The following EXTL3 variants were observed in gnomAD, a reference collection of about 807,000 sequenced individuals.
EXTL3 encodes the protein exostosin like glycosyltransferase 3, also known as exostosin-like 3.
A neutral mutation model predicts 69.3 loss-of-function variants in EXTL3; 27 were observed. That is an observed-to-expected ratio of 0.39 (90% CI 0.29 to 0.54). The LOEUF is 0.54. Among genes scored for constraint, EXTL3 ranks in the 20% least tolerant of loss-of-function variants. The pLI is 0.69. For missense variants in EXTL3, 1,003 were observed against 1,231.8 expected (o/e 0.81, Z 2.78); for synonymous variants, 511 against 499.4 (o/e 1.02, Z -0.31).
intron 1 of EXTL3, among the ~76,000 whole-genome samples, chr8:28,665,201 A>G (rs960635049): frequency 5.3e-5 from 8 of 149,794 alleles, no homozygotes; most frequent in African/African-American, 2.0e-4. Context: ...CCTCCCGAGT[A>G]GCTGAGATTA....
intron 1 of EXTL3, among the ~76,000 whole-genome samples, chr8:28,636,291 G>A (rs964647052): frequency 1.4e-5 from 2 of 146,160 alleles, no homozygotes; most frequent in Non-Finnish European, 3.0e-5. Flanking sequence ...GAGATCGCGC[G>A]ACTGCACTCC....
chr8:28,614,883 T>C (rs1267508334), intron 2 of EXTL3, among the ~76,000 whole-genome samples: 1 of 152,206 alleles, frequency 6.6e-6, no homozygotes, highest in Non-Finnish European at 1.5e-5. Context: ...ATGTGTGCCA[T>C]GGTGGTTTGC....
At chr8:28,657,452 CCTG>C (rs1807029563) in intron 1 of EXTL3, among the ~76,000 whole-genome samples, 1 of 152,212 alleles carries the variant, frequency 6.6e-6, no homozygotes, top group Non-Finnish European at 1.5e-5. Flanking sequence ...GCCCCACTGA[CCTG>C]CTGTCCAATG....
intron 1 of EXTL3, among the ~76,000 whole-genome samples, chr8:28,646,234 C>T (rs1023885536): frequency 2.0e-5 from 3 of 152,182 alleles, no homozygotes; most frequent in Non-Finnish European, 2.9e-5. Flanking sequence ...AGTTCTTTTT[C>T]CTCAGAAGTA....
chr8:28,702,331 A>G (rs1252468077), intron 1 of EXTL3, among the ~76,000 whole-genome samples: 11 of 152,124 alleles, frequency 7.2e-5, no homozygotes, highest in African/African-American at 2.7e-4. Context: ...CTCGCGCTGC[A>G]CGGGCTGGAC....
At chr8:28,651,216 A>G (rs1806913681) in intron 1 of EXTL3, among the ~76,000 whole-genome samples, 1 of 152,158 alleles carries the variant, frequency 6.6e-6, no homozygotes, top group South Asian at 2.1e-4. Flanking sequence ...TGTACCTTTA[A>G]AAACAGAATA....
Position 28,683,450 on chromosome 8 carries a change from C to T in EXTL3, c.-52-30007C>T, listed in dbSNP as rs180978991. Reference sequence around the variant, plus strand: ...GATTTTTTGGGGGGATATCTGTCACCTCAAACATTTATCCTTTATGTTTCA... The same window carrying T: ...GATTTTTTGGGGGGATATCTGTCACTTCAAACATTTATCCTTTATGTTTCA... On this transcript the variant is annotated intron_variant, in intron 1 of 6. Transcript: ENST00000523149. 3.6e-4 allele frequency among the ~76,000 whole-genome samples: 55 copies of T among 152,168 alleles called. No homozygotes were observed. In the East Asian group the frequency reaches 0.01, roughly 29 times the overall value.
At position 28,716,982 on chromosome 8, in the gene EXTL3, A is replaced by G. The variant is rs1402580479; in HGVS notation, c.923A>G (p.Tyr308Cys). 6.2e-7 allele frequency: 1 copy of G among 1,614,136 alleles called. No homozygotes were observed. Among genetic ancestry groups the G allele is most frequent in the African/African-American group, 1.3e-5 (1 of 74,948 alleles). ...VAQSTFYTVQ[Y>C]RPGFDLVVSP... ...CAGTCCACCTTCTACACTGTCCAGT[A>G]CAGACCTGGCTTTGACTTGGTCGTA... The change falls in exon 3 of 7, where the codon TAC becomes TGC. Residue 308 changes from tyrosine to cysteine, a missense_variant. Tyr to Cys is a radical substitution (Grantham distance 194, BLOSUM62 -2). Transcript: ENST00000220562. This position sits in a 1 kb window ranked among gnomAD's most constrained non-coding sequence, Gnocchi z 7.1.
intron 1 of EXTL3, among the ~76,000 whole-genome samples, chr8:28,704,348 A>G (rs995697132): frequency 6.6e-6 from 1 of 152,248 alleles, no homozygotes; most frequent in African/African-American, 2.4e-5. Context: ...TACTATACGC[A>G]GCCATACAAA....
intron 4 of EXTL3, among the ~76,000 whole-genome samples, chr8:28,733,667 G>C (rs1801586709): frequency 6.6e-6 from 1 of 151,302 alleles, no homozygotes; most frequent in East Asian, 1.9e-4. Flanking sequence ...ACAGGCATGA[G>C]CCACAGCACC....
chr8:28,708,766 G>C (rs900873130), intron 1 of EXTL3, among the ~76,000 whole-genome samples: 1 of 152,140 alleles, frequency 6.6e-6, no homozygotes, highest in African/African-American at 2.4e-5. Flanking sequence ...GGGTTGTCAT[G>C]GAGTTCTGCC....
At chr8:28,668,990 A>G (rs1270676869) in intron 1 of EXTL3, among the ~76,000 whole-genome samples, 1 of 150,076 alleles carries the variant, frequency 6.7e-6, no homozygotes, top group African/African-American at 2.5e-5. Context: ...CAGCCTCCTG[A>G]GTAGCTGGGA....
chr8:28,684,702 A>G (rs543514151), intron 1 of EXTL3, among the ~76,000 whole-genome samples: 1 of 152,274 alleles, frequency 6.6e-6, no homozygotes, highest in East Asian at 1.9e-4. Context: ...TGATTTTGGC[A>G]CTGCACTGCA....
chr8:28,634,336 T>C (rs1250608965), intron 1 of EXTL3, among the ~76,000 whole-genome samples: 2 of 152,136 alleles, frequency 1.3e-5, no homozygotes, highest in African/African-American at 4.8e-5. Context: ...GTCACTTCCT[T>C]GTCAGGACTC....
Position 28,717,656 on chromosome 8 carries a change from A to C in EXTL3, c.1597A>C (p.Met533Leu). The C allele has an allele frequency of 6.2e-7, 1 of 1,614,190 alleles. No individual in the cohort carries two copies. Residue 533 changes from methionine (M) to leucine (L), a missense_variant, in exon 3 of 7, where the codon ATG becomes CTG. This residue lies in a region of EXTL3 where 742 missense variants were observed against 815.4 expected (regional missense o/e 0.91). Transcript: ENST00000220562. This position sits in a 1 kb window ranked among gnomAD's most constrained non-coding sequence, Gnocchi z 8.3. ...ADSIFNTVLA[M>L]IRTRIQIPAA... ...CAGTATTTTTAATACCGTGCTGGCT[A>C]TGATTAGGACTCGCATCCAGATCCC... is the stretch of plus-strand genomic sequence containing the variant.
chr8:28,682,703 C>T lies in EXTL3; in HGVS notation c.-52-30754C>T, dbSNP rs190456139. On this transcript the variant is annotated intron_variant, in intron 1 of 6. Coordinates refer to the EXTL3 transcript ENST00000523149. ...AAGTGATGCCCCCACCTTGGCCTCC[C>T]AAAGTGCTGGGATTACAGGCACGAG... Among the ~76,000 whole-genome samples, 193 of 152,274 alleles carry T rather than the reference C, an allele frequency of 1.3e-3. 2 individuals are homozygous for T. The highest frequency in any genetic ancestry group is 4.4e-3 in the African/African-American group (183 of 41,566).
intron 1 of EXTL3, among the ~76,000 whole-genome samples, chr8:28,628,860 GC>G (rs1200880970): frequency 6.6e-6 from 1 of 152,024 alleles, no homozygotes; most frequent in Admixed American, 6.6e-5. Flanking sequence ...CACAGTGTTG[GC>G]CAGGCTGGTC....
chr8:28,657,806 C>CT lies in EXTL3; in HGVS notation c.-53+35000dup, dbSNP rs576529925. Among the ~76,000 whole-genome samples the CT allele has an allele frequency of 4.5e-3, 680 of 152,300 alleles. 6 individuals carry two copies. Among genetic ancestry groups the CT allele is most frequent in the African/African-American group, 0.016 (652 of 41,560 alleles). ...ATTTGGGCATATTTCTCTGTGGTAT[C>CT]TTTTGGGAGAGTTCCAAGCTTGGCT... On this transcript the variant is annotated intron_variant, in intron 1 of 6. Transcript: ENST00000523149.
In EXTL3 at chr8:28,628,846, G is replaced by T. The variant is rs377123982; in HGVS notation, c.-53+6036G>T. On this transcript the variant is annotated intron_variant, in intron 1 of 6. Transcript: ENST00000523149. ...GTTTTGTATTTTTTGTGGAGATGGG[G>T]TTTCACAGTGTTGGCCAGGCTGGTC... is the stretch of plus-strand genomic sequence containing the variant. Among the ~76,000 whole-genome samples, 132 of 152,168 alleles carry T rather than the reference G, an allele frequency of 8.7e-4. 3 individuals carry two copies. In the South Asian group the frequency reaches 0.026, roughly 30 times the overall value.
Sources: gnomAD v4.1 joint callset for allele counts (sites outside exome capture counted in the v4.1 genomes callset) on GRCh38, gnomAD v4.1.1 for gene constraint, gnomAD v4.1.1 regional missense constraint, Gnocchi (gnomAD v3.1) non-coding constraint, MANE v1.5 for transcripts, NCBI Gene and HGNC (gene_info 2026-07-23, HGNC 2026-07-21) for gene names.